The following NR3C1 variants were observed in gnomAD, a reference collection of about 807,000 sequenced individuals.
NR3C1 encodes the protein glucocorticoid receptor.
A neutral mutation model predicts 74.0 loss-of-function variants in NR3C1; 14 were observed. The observed-to-expected ratio is 0.19, with a 90% CI of 0.12 to 0.30. The LOEUF (loss-of-function observed/expected upper bound fraction) is 0.30. Ranked by LOEUF, NR3C1 falls within the 10% of genes least tolerant of loss-of-function variation. The pLI, the probability that NR3C1 is intolerant of heterozygous loss-of-function variation, is 1.00. For synonymous variants in NR3C1, 308 were observed against 332.5 expected, an observed-to-expected ratio of 0.93 and a Z score of 0.80; for missense variants, 695 against 909.8, an observed-to-expected ratio of 0.76 and a Z score of 3.04.
chr5:143,353,951 A>G (rs140660795), intron 2 of NR3C1, among the ~76,000 whole-genome samples: 2 of 152,334 alleles, frequency 1.3e-5, no homozygotes, highest in East Asian at 3.9e-4. Flanking sequence ...TTTCATCTAC[A>G]TGGAAAATCT....
intron 2 of NR3C1, among the ~76,000 whole-genome samples, chr5:143,365,318 A>C (rs928743787): frequency 2.0e-5 from 3 of 152,202 alleles, no homozygotes; most frequent in Admixed American, 6.5e-5. Flanking sequence ...ACTCAAGAAC[A>C]CAAATAGAAA....
At chr5:143,394,409 A>C (rs1174317496) in intron 2 of NR3C1, among the ~76,000 whole-genome samples, 1 of 152,010 alleles carries the variant, frequency 6.6e-6, no homozygotes, top group African/African-American at 2.4e-5. Flanking sequence ...TCAATATTCC[A>C]GCAGAAAAAT....
intron 2 of NR3C1, among the ~76,000 whole-genome samples, chr5:143,380,824 T>C (rs1836083781): frequency 6.6e-6 from 1 of 152,226 alleles, no homozygotes; most frequent in African/African-American, 2.4e-5. Context: ...TTATGCCATC[T>C]GCAACAAACT....
chr5:143,304,103 A>G (rs1053217753), intron 4 of NR3C1, among the ~76,000 whole-genome samples: 2 of 152,166 alleles, frequency 1.3e-5, no homozygotes, highest in African/African-American at 4.8e-5. Context: ...AAAGGCTTCC[A>G]AATAGGAAAA....
chr5:143,310,199 G>A lies in NR3C1; in HGVS notation c.1366C>T (p.Leu456=), dbSNP rs776688486. The change falls in exon 4 of 9, where the codon CTA becomes TTA. Residue 456 remains leucine, a synonymous_variant. Transcript: ENST00000394464. The part of the protein sequence containing the change: ...KRAVEGQHNY[L]CAGRNDCIID... ...ATGCAATCATTCCTTCCAGCACATA[G>A]GTAATTGTGCTGTCCTATATGGAAT... 1 of 1,611,548 alleles carries A rather than the reference G, an allele frequency of 6.2e-7. No homozygotes were observed. The highest frequency in any genetic ancestry group is 8.5e-7 in the Non-Finnish European group (1 of 1,178,012).
chr5:143,357,681 C>T (rs1177859795), intron 2 of NR3C1, among the ~76,000 whole-genome samples: 1 of 152,134 alleles, frequency 6.6e-6, no homozygotes, highest in African/African-American at 2.4e-5. Flanking sequence ...TTATGTTGTG[C>T]AAGGTAGTAT....
At chr5:143,375,591 A>G (rs1353431169) in intron 2 of NR3C1, 11 of 152,236 alleles carry the variant, frequency 7.2e-5, no homozygotes, top group Non-Finnish European at 2.9e-5. Context: ...CTATTTTACA[A>G]ATTAGATTGT....
intron 2 of NR3C1, among the ~76,000 whole-genome samples, chr5:143,337,590 T>C (rs1827386899): frequency 6.6e-6 from 1 of 152,220 alleles, no homozygotes. Flanking sequence ...ATGTTCATAA[T>C]AGTGGAATGA....
intron 2 of NR3C1, among the ~76,000 whole-genome samples, chr5:143,321,796 T>C (rs1422542225): frequency 6.6e-6 from 1 of 152,214 alleles, no homozygotes; most frequent in Non-Finnish European, 1.5e-5. Flanking sequence ...CACCATGGTA[T>C]TCCTGATCCA....
Position 143,279,290 on chromosome 5 carries a change from A to C in NR3C1, c.*2599T>G. 1 of 1,505,328 alleles carries C rather than the reference A, an allele frequency of 6.6e-7. No homozygotes were observed. Among genetic ancestry groups the C allele is most frequent in the South Asian group, 1.3e-5 (1 of 77,040 alleles). 93.2% of individuals were successfully genotyped at this position (1,505,328 alleles called of 1,614,324 possible). A position where few individuals can be genotyped will look rare whatever the true frequency, so the allele number is the denominator to read the frequency against. On this transcript the variant is annotated 3_prime_UTR_variant, in exon 9 of 9. Coordinates refer to ENST00000394464, the MANE Select transcript of NR3C1 (RefSeq NM_000176.3). Reference sequence around the variant, plus strand: ...ATGAGCATCAGTTGACTTATTATTGACAACGAAGTGCACATAATCTTCTTT... The same window carrying C: ...ATGAGCATCAGTTGACTTATTATTGCCAACGAAGTGCACATAATCTTCTTT...
upstream of NR3C1, chr5:143,404,495 C>G (rs1194648573): frequency 2.0e-6 from 2 of 982,522 alleles, 1 homozygote. Flanking sequence ...AAAGCAGAAC[C>G]CACCCTCCCC....
chr5:143,296,647 G>A (rs1489596307), intron 6 of NR3C1, among the ~76,000 whole-genome samples: 3 of 151,980 alleles, frequency 2.0e-5, no homozygotes, highest in East Asian at 3.9e-4. Flanking sequence ...CCCCCACAAC[G>A]TTCTGACCTA....
chr5:143,390,876 T>C (rs931242878), intron 2 of NR3C1, among the ~76,000 whole-genome samples: 8 of 152,174 alleles, frequency 5.3e-5, no homozygotes, highest in Non-Finnish European at 1.2e-4. Context: ...AGCTAAGGGA[T>C]AAATACATTT....
intron 2 of NR3C1, among the ~76,000 whole-genome samples, chr5:143,322,715 G>A (rs888075929): frequency 6.6e-5 from 10 of 152,132 alleles, no homozygotes; most frequent in African/African-American, 2.2e-4. Context: ...ATAAAGGAAG[G>A]AAAAGGAACC....
chr5:143,279,229 T>C lies in NR3C1; in HGVS notation c.*2660A>G. On this transcript the variant is annotated 3_prime_UTR_variant, in exon 9 of 9. Transcript: ENST00000394464. ...ACGTATCCTAAAAGGGCACAGCTTC[T>C]TTTCCCATTTAATGAAAAGCCTCCT... is the stretch of plus-strand genomic sequence containing the variant. 1.0e-6 allele frequency: 1 copy of C among 1,002,790 alleles called. No individual in the cohort carries two copies. The highest frequency in any genetic ancestry group is 1.4e-6 in the Non-Finnish European group (1 of 702,668). The allele number at this position is 1,002,790 out of a possible 1,614,324, so 62.1% of individuals were successfully genotyped here.
At chr5:143,307,703 G>A (rs571971431) in intron 4 of NR3C1, among the ~76,000 whole-genome samples, 1 of 152,182 alleles carries the variant, frequency 6.6e-6, no homozygotes, top group South Asian at 2.1e-4. Context: ...TGGGACCGGA[G>A]AAAATAAACC....
Position 143,299,490 on chromosome 5 carries a change from C to T in NR3C1, c.1748-678G>A, listed in dbSNP as rs528845911. On this transcript the variant is annotated intron_variant, in intron 5 of 8. Coordinates refer to ENST00000394464, the MANE Select transcript of NR3C1 (RefSeq NM_000176.3). ...ATGGGGATGAAGCGGGAATGGTTGA[C>T]GGGTGCAAAAATACAGTTAGAAGAA... 9.2e-5 allele frequency among the ~76,000 whole-genome samples: 14 copies of T among 152,076 alleles called. No homozygotes were observed. The East Asian group carries it at 1.4e-3, about 15-fold the overall frequency.
chr5:143,430,204 C>T (rs1280386785), intron 1 of NR3C1, among the ~76,000 whole-genome samples: 3 of 151,780 alleles, frequency 2.0e-5, no homozygotes, highest in Non-Finnish European at 4.4e-5. Flanking sequence ...TATAAAAATA[C>T]ATATACACAC....
intron 1 of NR3C1, among the ~76,000 whole-genome samples, chr5:143,410,199 T>G (rs1841245503): frequency 6.6e-6 from 1 of 152,232 alleles, no homozygotes; most frequent in Non-Finnish European, 1.5e-5. Context: ...TAATCTCCTT[T>G]TCTCTCCCAT....
Sources: gnomAD v4.1 joint callset for allele counts (sites outside exome capture counted in the v4.1 genomes callset) on GRCh38, gnomAD v4.1.1 for gene constraint, MANE v1.5 for transcripts, NCBI Gene and HGNC (gene_info 2026-07-23, HGNC 2026-07-21) for gene names.